Variants in CLNK observed in about 807,000 individuals in gnomAD.
CLNK encodes cytokine dependent hematopoietic cell linker.
In CLNK, 74 loss-of-function variants were observed where a neutral mutation model predicts 68.6. That is an observed-to-expected ratio of 1.08 (90% CI 0.89 to 1.31). The LOEUF is 1.31. Among genes scored for constraint, CLNK ranks in the 50% most tolerant of loss-of-function variants. The probability of loss-of-function intolerance (pLI) is 0.00; values close to 1 mark genes in which losing one functional copy is unlikely to be tolerated. For synonymous variants in CLNK, 198 were observed against 172.2 expected, an observed-to-expected ratio of 1.15 and a Z score of -1.17; for missense variants, 553 against 515.3, an observed-to-expected ratio of 1.07 and a Z score of -0.71.
intron 2 of CLNK, among the ~76,000 whole-genome samples, chr4:10,640,218 G>A (rs1298992662): frequency 6.6e-6 from 1 of 151,888 alleles, no homozygotes; most frequent in Non-Finnish European, 1.5e-5. Context: ...AGGCTGGAGT[G>A]CAGTGGCACG....
intron 1 of CLNK, among the ~76,000 whole-genome samples, chr4:10,674,458 A>G (rs1290509645): frequency 6.6e-6 from 1 of 152,234 alleles, no homozygotes; most frequent in Non-Finnish European, 1.5e-5. Context: ...ATATGCTCAT[A>G]ATGAATTTAC....
At chr4:10,637,900 C>T (rs1422958239) in intron 2 of CLNK, among the ~76,000 whole-genome samples, 2 of 151,990 alleles carry the variant, frequency 1.3e-5, no homozygotes, top group Non-Finnish European at 2.9e-5. Context: ...TCATTCTGCG[C>T]CCGGCCCATC....
chr4:10,505,738 G>C (rs1003576352), intron 17 of CLNK, among the ~76,000 whole-genome samples: 8 of 151,930 alleles, frequency 5.3e-5, no homozygotes, highest in Non-Finnish European at 1.0e-4. Flanking sequence ...ATTATACTGA[G>C]CCCCCCCAGA....
At chr4:10,728,970 A>T in the CLNK span, among the ~76,000 whole-genome samples, 1 of 152,244 alleles carries the variant, frequency 6.6e-6, no homozygotes, top group Admixed American at 6.5e-5. Context: ...TCCAAGTTTG[A>T]TCACTTTATA....
intron 15 of CLNK, among the ~76,000 whole-genome samples, chr4:10,516,249 G>A (rs190990428): frequency 2.0e-5 from 3 of 152,100 alleles, no homozygotes; most frequent in African/African-American, 7.2e-5. Context: ...AAATGGAAAA[G>A]AGGTAATCAG....
At chr4:10,551,271 G>A (rs753282050) in intron 8 of CLNK, among the ~76,000 whole-genome samples, 1 of 151,984 alleles carries the variant, frequency 6.6e-6, no homozygotes, top group Non-Finnish European at 1.5e-5. Context: ...TTGAGACCAA[G>A]TCTCGCTCCG....
chr4:10,722,833 T>A, the CLNK span, among the ~76,000 whole-genome samples: 1 of 152,118 alleles, frequency 6.6e-6, no homozygotes, highest in Admixed American at 6.5e-5. Flanking sequence ...GTGGATCACC[T>A]AAGGTCAGGA....
chr4:10,611,709 G>T (rs1722032898), intron 2 of CLNK, among the ~76,000 whole-genome samples: 1 of 152,080 alleles, frequency 6.6e-6, no homozygotes, highest in African/African-American at 2.4e-5. Flanking sequence ...ACAGAGTGAG[G>T]CCCAATGATG....
At chr4:10,581,414 G>T (rs369717731) in intron 4 of CLNK, among the ~76,000 whole-genome samples, 1 of 152,122 alleles carries the variant, frequency 6.6e-6, no homozygotes, top group African/African-American at 2.4e-5. Context: ...GGGTATTTCA[G>T]TTTATTCACT....
At position 10,650,364 on chromosome 4, in the gene CLNK, A is replaced by G. The variant is rs574163017; in HGVS notation, c.11+17495T>C. 5.3e-5 allele frequency among the ~76,000 whole-genome samples: 8 copies of G among 152,220 alleles called. No individual in the cohort carries two copies. The South Asian group carries it at 6.2e-4, about 12-fold the overall frequency. The stretch of plus-strand genomic sequence containing the variant: ...AGAGATAATGACAGAGTACTGAGAA[A>G]TAGTGAAAAACAACAAAATAGAGAA... On this transcript the variant is annotated intron_variant, in intron 2 of 18. Transcript: ENST00000226951.
chr4:10,725,542 C>G, the CLNK span, among the ~76,000 whole-genome samples: 3 of 152,182 alleles, frequency 2.0e-5, no homozygotes, highest in South Asian at 2.1e-4. Flanking sequence ...AGAAAATGCT[C>G]CATCCCCATT....
chr4:10,534,836 A>G (rs1287067470), intron 11 of CLNK, among the ~76,000 whole-genome samples: 1 of 152,222 alleles, frequency 6.6e-6, no homozygotes, highest in Non-Finnish European at 1.5e-5. Context: ...AATAGCAACA[A>G]CTTGGAAAAC....
At chr4:10,570,425 T>A (rs183264078) in intron 5 of CLNK, among the ~76,000 whole-genome samples, 1 of 152,346 alleles carries the variant, frequency 6.6e-6, no homozygotes, top group East Asian at 1.9e-4. Flanking sequence ...GAAAGAGACA[T>A]TTGTTTTAAA....
intron 18 of CLNK, among the ~76,000 whole-genome samples, chr4:10,496,608 G>A (rs189088600): frequency 4.5e-4 from 69 of 152,328 alleles, no homozygotes; most frequent in African/African-American, 1.1e-3. Context: ...TTTTCAAACG[G>A]GTGAGGGATT....
intron 2 of CLNK, among the ~76,000 whole-genome samples, chr4:10,664,960 C>G (rs1372618990): frequency 6.6e-6 from 1 of 152,138 alleles, no homozygotes; most frequent in Non-Finnish European, 1.5e-5. Context: ...TACGGATTGA[C>G]TGGCCTGAGG....
chr4:10,635,509 C>A (rs536984266), intron 2 of CLNK, among the ~76,000 whole-genome samples: 1 of 152,138 alleles, frequency 6.6e-6, no homozygotes, highest in Non-Finnish European at 1.5e-5. Flanking sequence ...TACTTAGATA[C>A]TCTCCACCAT....
chr4:10,597,929 A>G, intron 3 of CLNK, 49 bp downstream of exon 3: 1 of 1,279,130 alleles, frequency 7.8e-7, no homozygotes, highest in African/African-American at 1.5e-5. Flanking sequence ...TATTTGCTAC[A>G]GAATTAAAAT....
chr4:10,712,634 G>A, the CLNK span, among the ~76,000 whole-genome samples: 1 of 152,212 alleles, frequency 6.6e-6, no homozygotes, highest in South Asian at 2.1e-4. Context: ...ATAAGCAGAA[G>A]TTAAATGGCA....
chr4:10,732,336 T>C, the CLNK span, among the ~76,000 whole-genome samples: 1 of 152,190 alleles, frequency 6.6e-6, no homozygotes, highest in South Asian at 2.1e-4. Flanking sequence ...CACACAAAGC[T>C]AGCAGCCCCT....
Sources: allele counts gnomAD v4.1 joint callset (sites outside exome capture counted in the v4.1 genomes callset), GRCh38; gene constraint gnomAD v4.1.1; transcripts MANE v1.5; gene names NCBI Gene and HGNC (gene_info 2026-07-23, HGNC 2026-07-21).